Variants in ZNF462 observed in about 807,000 individuals in gnomAD.
ZNF462 encodes zinc finger PBX1-interacting protein.
ZNF462 carries 10 observed loss-of-function variants against 201.9 expected under a neutral mutation model. The ratio of observed to expected loss-of-function variants is 0.05; its 90% CI spans 0.03 to 0.08. The LOEUF (loss-of-function observed/expected upper bound fraction) is 0.08. Ranked by LOEUF, ZNF462 falls within the 10% of genes least tolerant of loss-of-function variation. The pLI, the probability that ZNF462 is intolerant of heterozygous loss-of-function variation, is 1.00. For missense variants in ZNF462, 2,523 were observed against 3,168.3 expected, an observed-to-expected ratio of 0.80 and a Z score of 4.89; for synonymous variants, 1,227 against 1,193.3, an observed-to-expected ratio of 1.03 and a Z score of -0.58.
chr9:106,886,508 A>G lies in ZNF462; in HGVS notation c.-31+23153A>G, dbSNP rs990391790. 6.6e-6 allele frequency among the ~76,000 whole-genome samples: 1 copy of G among 152,212 alleles called. No individual in the cohort carries two copies. Among genetic ancestry groups the G allele is most frequent in the Admixed American group, 6.5e-5 (1 of 15,282 alleles). ...TAGGCTGTGAGCACATTTGAAATCC[A>G]CATCCTCAAATATACAACAATGTCA... On this transcript the variant is annotated intron_variant, in intron 1 of 12. Transcript: ENST00000277225. The surrounding 1 kb of genome is among the most constrained non-coding windows in gnomAD (Gnocchi z 4.6).
upstream of ZNF462, among the ~76,000 whole-genome samples, chr9:106,860,356 C>T (rs985532304): frequency 6.6e-6 from 1 of 152,182 alleles, no homozygotes; most frequent in African/African-American, 2.4e-5. This position sits in a 1 kb window ranked among gnomAD's most constrained non-coding sequence, Gnocchi z 7.1. Flanking sequence ...CGCTCACGTT[C>T]TCGCAAAAGG....
rs148824453 is a variant in ZNF462 at position 106,929,294 on chromosome 9, C to T, written c.5382C>T (p.Phe1794=). 6.2e-7 allele frequency: 1 copy of T among 1,614,150 alleles called. No homozygotes were observed. Among genetic ancestry groups the T allele is most frequent in the Admixed American group, 1.7e-5 (1 of 60,032 alleles). The part of the protein sequence containing the change: ...SHYMKRHPGV[F]PKKQHASKLG... ...ACATGAAACGCCACCCAGGGGTGTT[C>T]CCAAAGAAGCAGCACGCCAGCAAGT... The change falls in exon 3 of 13, where the codon TTC becomes TTT. Residue 1794 remains phenylalanine (F), a synonymous_variant. Transcript: ENST00000277225. The surrounding 1 kb of genome is among the most constrained non-coding windows in gnomAD (Gnocchi z 8.7).
chr9:106,877,107 G>A (rs550445670), intron 1 of ZNF462, among the ~76,000 whole-genome samples: 108 of 152,250 alleles, frequency 7.1e-4, no homozygotes, highest in African/African-American at 2.4e-3. Context: ...GTGGAATGGT[G>A]TTGGTAGGGC....
At chr9:106,965,560 G>A (rs1025287285) in intron 7 of ZNF462, among the ~76,000 whole-genome samples, 1 of 152,014 alleles carries the variant, frequency 6.6e-6, no homozygotes, top group Non-Finnish European at 1.5e-5. Flanking sequence ...GCTGCCACAG[G>A]GAAGGGAGAA....
intron 6 of ZNF462, among the ~76,000 whole-genome samples, chr9:106,936,193 C>T (rs981462938): frequency 2.6e-5 from 4 of 152,184 alleles, no homozygotes; most frequent in African/African-American, 9.7e-5. Flanking sequence ...AGAAGAAATA[C>T]AGTCAGTCAT....
intron 1 of ZNF462, among the ~76,000 whole-genome samples, chr9:106,910,370 T>TTTTTG (rs765735190): frequency 0.045 from 6,521 of 144,428 alleles, 275 homozygotes; most frequent in African/African-American, 0.11. Flanking sequence ...TAGTTTTTTT[T>TTTTTG]TTTTTTTTTT....
chr9:106,996,273 C>G (rs942089912), intron 10 of ZNF462, among the ~76,000 whole-genome samples: 1 of 152,186 alleles, frequency 6.6e-6, no homozygotes, highest in Non-Finnish European at 1.5e-5. Context: ...CCACAATAAA[C>G]ATACGTGTGC....
chr9:106,870,997 G>A lies in ZNF462; in HGVS notation c.-31+7642G>A, dbSNP rs1827565322. On this transcript the variant is annotated intron_variant, in intron 1 of 12. Coordinates refer to ENST00000277225, the MANE Select transcript of ZNF462 (RefSeq NM_021224.6). This position sits in a 1 kb window ranked among gnomAD's most constrained non-coding sequence, Gnocchi z 4.3. ...GTGTTTCTCTTTTGAACTGGGAAAT[G>A]CCAGAGGCTGGGGGGTGGGAGCCGA... 6.6e-6 allele frequency among the ~76,000 whole-genome samples: 1 copy of A among 152,176 alleles called. No homozygotes were observed. Among genetic ancestry groups the A allele is most frequent in the African/African-American group, 2.4e-5 (1 of 41,448 alleles).
intron 1 of ZNF462, among the ~76,000 whole-genome samples, chr9:106,894,632 A>G (rs917993223): frequency 6.6e-6 from 1 of 152,182 alleles, no homozygotes; most frequent in African/African-American, 2.4e-5. Context: ...GTTCAAAGGA[A>G]TCCTTCAAGG....
Position 106,938,756 on chromosome 9 carries a change from G to A in ZNF462, c.6236-160G>A, listed in dbSNP as rs1348731866. Among the ~76,000 whole-genome samples the A allele has an allele frequency of 5.3e-5, 8 of 152,294 alleles. No homozygotes were observed. The East Asian group carries it at 1.2e-3, about 22-fold the overall frequency. Reference sequence around the variant, plus strand: ...GTTTCAACTCCAAAGGAGTACTGTGGTTGTGGCAGGTTGTTGGTCTGTGAG... The same window carrying A: ...GTTTCAACTCCAAAGGAGTACTGTGATTGTGGCAGGTTGTTGGTCTGTGAG... On this transcript the variant is annotated intron_variant, in intron 6 of 12. Coordinates refer to ENST00000277225, the MANE Select transcript of ZNF462 (RefSeq NM_021224.6). The surrounding 1 kb of genome is among the most constrained non-coding windows in gnomAD (Gnocchi z 4.4).
In ZNF462 at chr9:106,978,860, G is replaced by A. The variant is rs1827208647; in HGVS notation, c.6832+4587G>A. ...CCACAGATTTTGGACCAAGGACCTT[G>A]CCTCCTCAGTGATGTGGGATCTCAT... On this transcript the variant is annotated intron_variant, in intron 9 of 12. Coordinates refer to ENST00000277225, the MANE Select transcript of ZNF462 (RefSeq NM_021224.6). The surrounding 1 kb of genome is among the most constrained non-coding windows in gnomAD (Gnocchi z 4.1). 3 of 220,862 alleles carry A rather than the reference G, an allele frequency of 1.4e-5. No individual in the cohort carries two copies. The South Asian group carries it at 2.0e-4, about 14-fold the overall frequency. The allele number at this position is 220,862 out of a possible 1,614,324, so 13.7% of individuals were successfully genotyped here. A position where few individuals can be genotyped will look rare whatever the true frequency, so the allele number is the denominator to read the frequency against.
At chr9:106,914,924 A>G (rs931516500) in intron 1 of ZNF462, among the ~76,000 whole-genome samples, 1 of 152,214 alleles carries the variant, frequency 6.6e-6, no homozygotes, top group Non-Finnish European at 1.5e-5. Context: ...ATTGGCATTT[A>G]TATGCCTCTG....
chr9:106,993,581 G>A lies in ZNF462; in HGVS notation c.7056+9172G>A, dbSNP rs77272539. Reference sequence around the variant, plus strand: ...TTTAATCTCAGTGGGTCCTCTAGAAGGTTGACTAGTGTAGTCTCTCCCTCC... The same window carrying A: ...TTTAATCTCAGTGGGTCCTCTAGAAAGTTGACTAGTGTAGTCTCTCCCTCC... On this transcript the variant is annotated intron_variant, in intron 10 of 12. Transcript: ENST00000277225. The surrounding 1 kb of genome is among the most constrained non-coding windows in gnomAD (Gnocchi z 4.0). 9.2e-5 allele frequency among the ~76,000 whole-genome samples: 14 copies of A among 151,884 alleles called. No individual in the cohort carries two copies. The East Asian group carries it at 2.7e-3, about 29-fold the overall frequency.
Position 106,935,101 on chromosome 9 carries a change from A to G in ZNF462, c.6117-402A>G, listed in dbSNP as rs1212879880. Among the ~76,000 whole-genome samples the G allele has an allele frequency of 6.6e-6, 1 of 152,222 alleles. No individual in the cohort carries two copies. The highest frequency in any genetic ancestry group is 1.5e-5 in the Non-Finnish European group (1 of 68,040). ...CAAATGCTAAATTTCTCTAATTCCCATTCTGTTATTTGAATAAGTTAGAGG... is the reference window on the plus strand; with the variant it reads ...CAAATGCTAAATTTCTCTAATTCCCGTTCTGTTATTTGAATAAGTTAGAGG... On this transcript the variant is annotated intron_variant, in intron 5 of 12. Transcript: ENST00000277225. This position sits in a 1 kb window ranked among gnomAD's most constrained non-coding sequence, Gnocchi z 4.1.
chr9:106,982,326 G>C lies in ZNF462; in HGVS notation c.6833-1860G>C, dbSNP rs185733056. On this transcript the variant is annotated intron_variant, in intron 9 of 12. Coordinates refer to ENST00000277225, the MANE Select transcript of ZNF462 (RefSeq NM_021224.6). Reference sequence around the variant, plus strand: ...TGACACCTAGTGGGTAGAGGCCACAGTTATTGCTAAACATCCTGCAATGCA... The same window carrying C: ...TGACACCTAGTGGGTAGAGGCCACACTTATTGCTAAACATCCTGCAATGCA... Among the ~76,000 whole-genome samples, 17 of 152,328 alleles carry C rather than the reference G, an allele frequency of 1.1e-4. No individual in the cohort carries two copies. In the East Asian group the frequency reaches 3.1e-3, roughly 28 times the overall value.
intron 10 of ZNF462, among the ~76,000 whole-genome samples, chr9:106,986,484 G>A (rs767914678): frequency 6.6e-6 from 1 of 152,102 alleles, no homozygotes; most frequent in African/African-American, 2.4e-5. Context: ...ACATTCCTTA[G>A]AGTATTTGTT....
Position 106,925,984 on chromosome 9 carries a change from A to G in ZNF462, c.2072A>G (p.Lys691Arg), listed in dbSNP as rs781325650. Residue 691 changes from lysine to arginine, a missense_variant, in exon 3 of 13, where the codon AAG (lysine) becomes AGG (arginine). Coordinates refer to ENST00000277225, the MANE Select transcript of ZNF462 (RefSeq NM_021224.6). The surrounding 1 kb of genome is among the most constrained non-coding windows in gnomAD (Gnocchi z 7.9). ...NDFPLDLSPVKKRTRIDEIAS... is the reference protein window; with the variant it reads ...NDFPLDLSPVRKRTRIDEIAS... ...TTTCCTCTAGATTTGTCACCCGTGA[A>G]GAAGAGAACCAGGATTGACGAGATA... 6.2e-6 allele frequency: 10 copies of G among 1,614,094 alleles called. No individual in the cohort carries two copies. The highest frequency in any genetic ancestry group is 7.6e-6 in the Non-Finnish European group (9 of 1,180,052).
Position 106,927,020 on chromosome 9 carries a change from G to T in ZNF462, c.3108G>T (p.Ser1036=). 6.2e-7 allele frequency: 1 copy of T among 1,614,102 alleles called. No homozygotes were observed. The highest frequency in any genetic ancestry group is 1.7e-5 in the Admixed American group (1 of 60,010). Residue 1036 remains serine, a synonymous_variant, in exon 3 of 13, where the codon TCG becomes TCT. Transcript: ENST00000277225. The stretch of plus-strand genomic sequence containing the variant: ...TTGTTTATGATTGTGATGTTTGTTC[G>T]TTTGCAAGCCCCAACATGCATTCTG... ...TVVVYDCDVC[S]FASPNMHSVL...
intron 10 of ZNF462, among the ~76,000 whole-genome samples, chr9:106,997,114 C>T (rs919992122): frequency 3.9e-5 from 6 of 152,020 alleles, no homozygotes; most frequent in Non-Finnish European, 8.8e-5. Context: ...TTTCTTTCCC[C>T]CCCCAGCTTT....
Sources: gnomAD v4.1 joint callset for allele counts (sites outside exome capture counted in the v4.1 genomes callset) on GRCh38, gnomAD v4.1.1 for gene constraint, Gnocchi (gnomAD v3.1) non-coding constraint, MANE v1.5 for transcripts, NCBI Gene and HGNC (gene_info 2026-07-23, HGNC 2026-07-21) for gene names.